The following LARGE1 variants were observed in gnomAD, a reference collection of about 807,000 sequenced individuals.
The protein encoded by LARGE1 is xylosyl- and glucuronyltransferase LARGE1.
LARGE1 carries 43 observed loss-of-function variants against 87.6 expected under a neutral mutation model. The observed-to-expected ratio is 0.49, with a 90% CI of 0.38 to 0.63. LARGE1 has a LOEUF of 0.63. Among genes scored for constraint, LARGE1 ranks in the 30% least tolerant of loss-of-function variants. The pLI is 0.00. For synonymous variants in LARGE1, 434 were observed against 394.6 expected (o/e 1.10, Z -1.18); for missense variants, 802 against 1,000.2 (o/e 0.80, Z 2.67).
At chr22:33,519,243 T>TGTGG (rs991707468) in intron 6 of LARGE1, among the ~76,000 whole-genome samples, 2 of 151,768 alleles carry the variant, frequency 1.3e-5, no homozygotes, top group Non-Finnish European at 1.5e-5. Flanking sequence ...CGCGTGTGTG[T>TGTGG]GTGTGTGTGT....
chr22:33,095,146 C>G, the LARGE1 span, among the ~76,000 whole-genome samples: 1 of 152,196 alleles, frequency 6.6e-6, no homozygotes, highest in Non-Finnish European at 1.5e-5. Context: ...TTTCCTAGGG[C>G]TGCTGTAACA....
intron 9 of LARGE1, among the ~76,000 whole-genome samples, chr22:33,379,075 G>A (rs567627735): frequency 3.2e-4 from 49 of 152,008 alleles, no homozygotes; most frequent in Admixed American, 5.9e-4. Flanking sequence ...CAACCCAGAA[G>A]TTCATCAAAT....
intron 1 of LARGE1, among the ~76,000 whole-genome samples, chr22:33,874,156 G>C (rs1176946331): frequency 6.6e-6 from 1 of 152,044 alleles, no homozygotes; most frequent in Non-Finnish European, 1.5e-5. Context: ...TTCTTTCCTG[G>C]CTAACTCGGT....
downstream of LARGE1, among the ~76,000 whole-genome samples, chr22:33,160,911 C>G (rs1157725434): frequency 6.6e-6 from 1 of 152,244 alleles, no homozygotes; most frequent in African/African-American, 2.4e-5. Context: ...TTGAATTTCC[C>G]TTTCTCTGTC....
chr22:33,529,479 C>T (rs188420901), intron 6 of LARGE1, among the ~76,000 whole-genome samples: 142 of 152,310 alleles, frequency 9.3e-4, no homozygotes, highest in African/African-American at 3.4e-3. Context: ...AAAGTATACA[C>T]AAGACAAAAG....
intron 6 of LARGE1, among the ~76,000 whole-genome samples, chr22:33,462,735 C>A (rs2068430657): frequency 6.6e-6 from 1 of 152,150 alleles, no homozygotes; most frequent in South Asian, 2.1e-4. Flanking sequence ...GAGCCAAGAT[C>A]ATGCCACTGT....
At chr22:33,701,779 A>G (rs5749646) in intron 2 of LARGE1, among the ~76,000 whole-genome samples, 25,602 of 152,220 alleles carry the variant, frequency 0.17, 2,469 homozygotes, top group East Asian at 0.22. Context: ...GAATGTAAGC[A>G]GAAGTCTGTT....
intron 2 of LARGE1, among the ~76,000 whole-genome samples, chr22:33,753,929 G>T (rs548520828): frequency 1.3e-5 from 2 of 152,184 alleles, no homozygotes; most frequent in East Asian, 3.9e-4. Context: ...GGGCATGGGG[G>T]TGGGCACCTG....
chr22:33,283,774 C>CA (rs555721046), intron 12 of LARGE1, among the ~76,000 whole-genome samples: 1,211 of 115,510 alleles, frequency 0.01, 6 homozygotes, highest in South Asian at 0.039. Flanking sequence ...TAGATTCTGT[C>CA]AAAAAAAAGG....
intron 5 of LARGE1, among the ~76,000 whole-genome samples, chr22:33,578,281 G>A (rs2078410828): frequency 6.6e-6 from 1 of 152,112 alleles, no homozygotes; most frequent in Non-Finnish European, 1.5e-5. Context: ...AAGGTACAAG[G>A]TAATTCCATT....
intron 11 of LARGE1, among the ~76,000 whole-genome samples, chr22:33,216,254 C>G (rs1276919086): frequency 1.3e-5 from 2 of 152,178 alleles, no homozygotes; most frequent in Admixed American, 6.5e-5. Flanking sequence ...TGTGCCCTCC[C>G]CCACAAATTC....
chr22:33,111,288 C>T, the LARGE1 span, among the ~76,000 whole-genome samples: 1 of 152,144 alleles, frequency 6.6e-6, no homozygotes, highest in Non-Finnish European at 1.5e-5. Flanking sequence ...TTCCTTTCTG[C>T]TCTCCTCCAA....
intron 6 of LARGE1, among the ~76,000 whole-genome samples, chr22:33,530,507 C>T (rs1028491877): frequency 7.1e-6 from 1 of 141,644 alleles, no homozygotes; most frequent in Non-Finnish European, 1.5e-5. Context: ...CCTAATGATA[C>T]TGTTTTTATA....
chr22:33,680,371 G>T (rs1274863669), intron 2 of LARGE1, among the ~76,000 whole-genome samples: 1 of 151,854 alleles, frequency 6.6e-6, no homozygotes, highest in African/African-American at 2.4e-5. Context: ...AATTTGTATT[G>T]ATCAGGCTTT....
chr22:33,482,068 A>G (rs2069353431), intron 6 of LARGE1, among the ~76,000 whole-genome samples: 1 of 152,184 alleles, frequency 6.6e-6, no homozygotes, highest in Admixed American at 6.5e-5. Flanking sequence ...TAGCTCTTAA[A>G]TCTAACTGAA....
At chr22:33,707,349 T>A (rs2082592881) in intron 2 of LARGE1, among the ~76,000 whole-genome samples, 1 of 152,224 alleles carries the variant, frequency 6.6e-6, no homozygotes, top group Non-Finnish European at 1.5e-5. Flanking sequence ...ACATTCAACC[T>A]CCCTATAACA....
chr22:33,605,000 G>T (rs578125224), intron 4 of LARGE1, among the ~76,000 whole-genome samples: 6 of 151,766 alleles, frequency 4.0e-5, no homozygotes, highest in African/African-American at 1.4e-4. Flanking sequence ...ATAGCACAGT[G>T]TAAGTTCTGT....
intron 1 of LARGE1, among the ~76,000 whole-genome samples, chr22:33,848,749 T>G (rs1460727763): frequency 6.6e-6 from 1 of 152,186 alleles, no homozygotes; most frequent in Admixed American, 6.5e-5. Context: ...GACCCTTTAA[T>G]GGATCCCAGA....
At chr22:33,766,427 C>G (rs911832516) in intron 1 of LARGE1, among the ~76,000 whole-genome samples, 1 of 152,090 alleles carries the variant, frequency 6.6e-6, no homozygotes, top group African/African-American at 2.4e-5. Context: ...TCACCATGAT[C>G]TGTTTGTTTT....
Sources: gnomAD v4.1 joint callset for allele counts (sites outside exome capture counted in the v4.1 genomes callset) on GRCh38, gnomAD v4.1.1 for gene constraint, MANE v1.5 for transcripts, NCBI Gene and HGNC (gene_info 2026-07-23, HGNC 2026-07-21) for gene names.